The following OXR1 variants were observed in gnomAD, a reference collection of about 807,000 sequenced individuals.
OXR1 encodes oxidation resistance 1, also known as oxidation resistance protein 1.
Under a neutral mutation model 104.6 loss-of-function variants are expected in OXR1, and 41 were observed. The observed-to-expected ratio is 0.39, with a 90% CI of 0.31 to 0.51. The LOEUF (loss-of-function observed/expected upper bound fraction) is 0.51, where lower values mean the gene tolerates loss of function less well. Ranked by LOEUF, OXR1 falls within the 20% of genes least tolerant of loss-of-function variation. The probability of loss-of-function intolerance (pLI) is 0.77; values close to 1 mark genes in which losing one functional copy is unlikely to be tolerated. For synonymous variants in OXR1, 348 were observed against 348.4 expected, an observed-to-expected ratio of 1.00 and a Z score of 0.01; for missense variants, 955 against 1,031.9, an observed-to-expected ratio of 0.93 and a Z score of 1.02.
At chr8:106,470,864 G>A (rs1025208974) in intron 2 of OXR1, among the ~76,000 whole-genome samples, 1 of 151,738 alleles carries the variant, frequency 6.6e-6, no homozygotes, top group African/African-American at 2.4e-5. Context: ...GATAAACTGT[G>A]CCATCTGCTA....
intron 3 of OXR1, among the ~76,000 whole-genome samples, chr8:106,523,115 C>A (rs887280492): frequency 6.6e-6 from 1 of 152,192 alleles, no homozygotes; most frequent in Non-Finnish European, 1.5e-5. Context: ...ACTCTCAGCT[C>A]CTAGGGGCCA....
intron 3 of OXR1, chr8:106,581,044 G>A: frequency 9.2e-7 from 1 of 1,091,084 alleles, no homozygotes; most frequent in Non-Finnish European, 1.1e-6. Context: ...AGACAAGTGG[G>A]AAGGTGTAGA....
intron 3 of OXR1, among the ~76,000 whole-genome samples, chr8:106,612,188 C>T (rs901173799): frequency 8.0e-5 from 12 of 150,918 alleles, no homozygotes; most frequent in Admixed American, 2.6e-4. Context: ...AAATATTATT[C>T]TGATAGGAAT....
chr8:106,692,693 CTT>C (rs545065736), intron 6 of OXR1, 33 bp from the exon 7 acceptor site: 11 of 1,127,384 alleles, frequency 9.8e-6, no homozygotes, highest in African/African-American at 1.7e-5. Flanking sequence ...TTGTTTTCTG[CTT>C]TTTTTTTTCT....
chr8:106,659,980 G>C (rs1253084212), intron 3 of OXR1, among the ~76,000 whole-genome samples: 4 of 152,226 alleles, frequency 2.6e-5, no homozygotes, highest in Admixed American at 6.5e-5. Flanking sequence ...ACACATTAGA[G>C]AGGCGTTGTG....
intron 3 of OXR1, among the ~76,000 whole-genome samples, chr8:106,634,470 CA>C (rs1430071247): frequency 2.6e-5 from 4 of 152,090 alleles, no homozygotes; most frequent in Non-Finnish European, 4.4e-5. Flanking sequence ...ACCCATTTTA[CA>C]GATGAGAAAA....
intron 3 of OXR1, among the ~76,000 whole-genome samples, chr8:106,604,498 G>A (rs1820218357): frequency 1.3e-5 from 2 of 152,166 alleles, no homozygotes; most frequent in Admixed American, 1.3e-4. Flanking sequence ...TTAGCTTTTT[G>A]TAAAATTCTA....
intron 2 of OXR1, among the ~76,000 whole-genome samples, chr8:106,473,675 G>A (rs529110211): frequency 2.9e-4 from 44 of 151,846 alleles, no homozygotes; most frequent in African/African-American, 9.9e-4. Flanking sequence ...GTAGTTAACC[G>A]TGAATAATTT....
chr8:106,601,685 T>C (rs1023553063), intron 3 of OXR1, among the ~76,000 whole-genome samples: 3 of 152,232 alleles, frequency 2.0e-5, no homozygotes, highest in Non-Finnish European at 4.4e-5. Flanking sequence ...TCCCATCCTC[T>C]GGTGTGCATT....
chr8:106,284,420 A>T (rs944028468), intron 1 of OXR1, among the ~76,000 whole-genome samples: 4 of 152,056 alleles, frequency 2.6e-5, no homozygotes, highest in African/African-American at 9.7e-5. Context: ...GATAATCCAG[A>T]GTCCTCTTGG....
At chr8:106,440,688 T>C (rs1021305923) in intron 2 of OXR1, among the ~76,000 whole-genome samples, 4 of 152,148 alleles carry the variant, frequency 2.6e-5, no homozygotes, top group African/African-American at 9.6e-5. Flanking sequence ...GTAATTATTA[T>C]ATCCTTAGAT....
Position 106,279,855 on chromosome 8 carries a change from T to C in OXR1, c.-139+9488T>C, listed in dbSNP as rs114955085. Among the ~76,000 whole-genome samples, 1,330 of 152,312 alleles carry C rather than the reference T, an allele frequency of 8.7e-3. 21 individuals carry two copies. The highest frequency in any genetic ancestry group is 0.03 in the African/African-American group (1,228 of 41,572). Reference sequence around the variant, plus strand: ...CAGAAAGGAATCCATTGGATGGTTATGGAGGAGTTCATGGAATTGAAGGAA... The same window carrying C: ...CAGAAAGGAATCCATTGGATGGTTACGGAGGAGTTCATGGAATTGAAGGAA... On this transcript the variant is annotated intron_variant, in intron 1 of 16. Transcript: ENST00000517566.
At chr8:106,594,766 TAGC>T (rs1184287601) in intron 3 of OXR1, among the ~76,000 whole-genome samples, 1 of 152,160 alleles carries the variant, frequency 6.6e-6, no homozygotes, top group African/African-American at 2.4e-5. Context: ...CTATGAAACA[TAGC>T]AGAGTGGGCA....
At chr8:106,688,015 A>G (rs1227468118) in intron 6 of OXR1, among the ~76,000 whole-genome samples, 1 of 152,214 alleles carries the variant, frequency 6.6e-6, no homozygotes, top group Non-Finnish European at 1.5e-5. Context: ...TCGATATAGT[A>G]ATAGCTACCA....
chr8:106,414,533 T>G (rs1237454367), intron 2 of OXR1, among the ~76,000 whole-genome samples: 1 of 152,150 alleles, frequency 6.6e-6, no homozygotes, highest in Non-Finnish European at 1.5e-5. Flanking sequence ...AAGCAGATAG[T>G]CTTCTTATCT....
At chr8:106,473,514 C>A (rs1396884009) in intron 2 of OXR1, among the ~76,000 whole-genome samples, 1 of 151,812 alleles carries the variant, frequency 6.6e-6, no homozygotes, top group East Asian at 1.9e-4. Context: ...TTAAATGTAA[C>A]CTTTTGTTAT....
chr8:106,719,919 C>A (rs1416878975), intron 11 of OXR1, among the ~76,000 whole-genome samples: 1 of 152,166 alleles, frequency 6.6e-6, no homozygotes, highest in African/African-American at 2.4e-5. Context: ...CATTCTCCTG[C>A]CTCAGCTTCC....
intron 1 of OXR1, among the ~76,000 whole-genome samples, chr8:106,321,668 A>T (rs111789306): frequency 6.6e-6 from 1 of 152,356 alleles, no homozygotes; most frequent in Middle Eastern, 3.4e-3. Flanking sequence ...AACTAAAGGC[A>T]CAGCCTCCAG....
chr8:106,577,396 T>C (rs1215683893), intron 3 of OXR1, among the ~76,000 whole-genome samples: 1 of 137,186 alleles, frequency 7.3e-6, no homozygotes, highest in Non-Finnish European at 1.6e-5. Flanking sequence ...TTTTTTTTTT[T>C]TTTTTTTTTT....
Sources: allele counts gnomAD v4.1 joint callset (sites outside exome capture counted in the v4.1 genomes callset), GRCh38; gene constraint gnomAD v4.1.1; transcripts MANE v1.5; gene names NCBI Gene and HGNC (gene_info 2026-07-23, HGNC 2026-07-21).